Variants in RHCE observed in about 807,000 individuals in gnomAD.
RHCE encodes blood group Rh(CE) polypeptide.
In RHCE, 22 loss-of-function variants were observed where a neutral mutation model predicts 43.8. The observed-to-expected ratio is 0.50, with a 90% CI of 0.36 to 0.72. The LOEUF (loss-of-function observed/expected upper bound fraction) is 0.72, where lower values mean the gene tolerates loss of function less well. Ranked by LOEUF, RHCE falls within the 30% of genes least tolerant of loss-of-function variation. RHCE has a pLI of 0.00. For synonymous variants in RHCE, 156 were observed against 210.7 expected (o/e 0.74, Z 2.25); for missense variants, 385 against 525.4 (o/e 0.73, Z 2.61).
upstream of RHCE, among the ~76,000 whole-genome samples, chr1:25,423,405 G>A (rs987134060): frequency 1.3e-5 from 2 of 152,170 alleles, no homozygotes; most frequent in Admixed American, 1.3e-4. Context: ...CCAACCCCTA[G>A]ACCTGACAGG....
intron 9 of RHCE, among the ~76,000 whole-genome samples, chr1:25,369,005 C>T (rs1325918448): frequency 2.6e-5 from 4 of 151,798 alleles, no homozygotes; most frequent in Non-Finnish European, 4.4e-5. Context: ...AAGTGATCCA[C>T]CCGCCTTGGC....
chr1:25,397,061 G>A (rs1646565295), intron 3 of RHCE, among the ~76,000 whole-genome samples: 2 of 129,768 alleles, frequency 1.5e-5, no homozygotes, highest in South Asian at 2.3e-4. Context: ...GCAGTGAGCC[G>A]AGATCACACC....
intron 7 of RHCE, among the ~76,000 whole-genome samples, chr1:25,382,096 C>T (rs1296573632): frequency 6.6e-6 from 1 of 151,182 alleles, no homozygotes; most frequent in East Asian, 1.9e-4. Context: ...CATGCCAGCT[C>T]AGATTTCTCT....
At chr1:25,413,629 G>A (rs953842884) in intron 1 of RHCE, among the ~76,000 whole-genome samples, 7 of 151,642 alleles carry the variant, frequency 4.6e-5, no homozygotes, top group South Asian at 2.1e-4. Flanking sequence ...GAGAGATAAG[G>A]CAATACTCAC....
intron 5 of RHCE, 97 bp downstream of exon 5, chr1:25,390,652 C>A (rs1646328251): frequency 1.4e-6 from 2 of 1,436,810 alleles, no homozygotes; most frequent in Non-Finnish European, 9.7e-7. Flanking sequence ...GGCATGCCCT[C>A]TCCCAACCCA....
At chr1:25,387,600 C>G (rs1436024277) in intron 6 of RHCE, among the ~76,000 whole-genome samples, 1 of 152,264 alleles carries the variant, frequency 6.6e-6, no homozygotes, top group East Asian at 1.9e-4. Flanking sequence ...GCCCTTCCTC[C>G]TTTCATTTCA....
chr1:25,371,735 A>T (rs1645617719), intron 8 of RHCE, among the ~76,000 whole-genome samples: 1 of 151,464 alleles, frequency 6.6e-6, no homozygotes, highest in Non-Finnish European at 1.5e-5. Context: ...AGCTTCCCGA[A>T]GCTGGCTGAA....
rs577918546 is a variant in RHCE, at chr1:25,395,716, C to T, written c.487-3575G>A. On this transcript the variant is annotated intron_variant, in intron 3 of 9. Transcript: ENST00000294413. ...AGTGTGTAAACCGGAATCCAGGAGT[C>T]CATGGTAATATAAACAAATACATAG... Among the ~76,000 whole-genome samples, 17 of 152,154 alleles carry T rather than the reference C, an allele frequency of 1.1e-4. No homozygotes were observed. In the South Asian group the frequency reaches 3.5e-3, roughly 32 times the overall value.
rs1239729684 is a variant in RHCE, at chr1:25,408,810, G to A, written c.208C>T (p.Arg70Trp). 7.8e-6 allele frequency: 10 copies of A among 1,283,024 alleles called. 3 individuals are homozygous for A. Among genetic ancestry groups the A allele is most frequent in the African/African-American group, 1.4e-5 (1 of 72,640 alleles). 79.5% of individuals were successfully genotyped at this position (1,283,024 alleles called of 1,614,324 possible). The change falls in exon 2 of 10, where the codon CGG (arginine) becomes TGG (tryptophan). Residue 70 changes from arginine (R) to tryptophan (W), a missense_variant. By Grantham distance (101) the Arg-to-Trp change is moderately radical. Coordinates refer to ENST00000294413, the MANE Select transcript of RHCE (RefSeq NM_020485.8). Reference sequence around the variant, plus strand: ...GCCACACTGCTCCAGCTGTGTCTCCGGAAATTTGAGGTGAGGAAGCCCAAG... The same window carrying A: ...GCCACACTGCTCCAGCTGTGTCTCCAGAAATTTGAGGTGAGGAAGCCCAAG... ...LGLGFLTSNF[R>W]RHSWSSVAFN...
intron 1 of RHCE, among the ~76,000 whole-genome samples, chr1:25,414,437 G>A (rs1157222000): frequency 2.0e-5 from 3 of 152,050 alleles, no homozygotes; most frequent in Non-Finnish European, 4.4e-5. Flanking sequence ...TGCAGCCTCA[G>A]GAGGCCGCCA....
At chr1:25,371,807 G>T (rs1557597862) in intron 8 of RHCE, among the ~76,000 whole-genome samples, 2 of 151,504 alleles carry the variant, frequency 1.3e-5, no homozygotes, top group South Asian at 2.1e-4. Context: ...GCTCCTGATA[G>T]ATTTATCTGT....
intron 9 of RHCE, among the ~76,000 whole-genome samples, chr1:25,369,604 T>C (rs1443841777): frequency 6.6e-6 from 1 of 151,458 alleles, no homozygotes; most frequent in Admixed American, 6.6e-5. Flanking sequence ...TGCTGAGCTG[T>C]TTGAACTTTA....
intron 4 of RHCE, 34 bp from the exon 5 acceptor site, chr1:25,390,949 C>T (rs370749075): frequency 1.5e-4 from 249 of 1,613,842 alleles, no homozygotes; most frequent in Admixed American, 2.8e-4. Context: ...GCCAGAATCA[C>T]ACTCCTGCTC....
intron 1 of RHCE, among the ~76,000 whole-genome samples, chr1:25,411,824 T>C (rs1305549680): frequency 6.6e-6 from 1 of 152,210 alleles, no homozygotes; most frequent in Non-Finnish European, 1.5e-5. Context: ...TTGTGTTCAG[T>C]TGGAGACTGC....
intron 1 of RHCE, among the ~76,000 whole-genome samples, chr1:25,411,691 T>TG (rs1203906997): frequency 2.0e-5 from 3 of 152,074 alleles, no homozygotes; most frequent in African/African-American, 7.2e-5. Context: ...TCCTTAGGAA[T>TG]GGGGGTGTGT....
chr1:25,427,281 T>G (rs2042811505), intron 2 of RHCE, among the ~76,000 whole-genome samples: 1 of 152,190 alleles, frequency 6.6e-6, no homozygotes, highest in Non-Finnish European at 1.5e-5. Context: ...TGGGCTCAGC[T>G]GAAGCCCAAG....
chr1:25,422,746 G>A (rs145204629), upstream of RHCE, among the ~76,000 whole-genome samples: 818 of 152,256 alleles, frequency 5.4e-3, 6 homozygotes, highest in African/African-American at 0.018. Context: ...CACCAGGGAC[G>A]GGTTTTGTAG....
intron 7 of RHCE, among the ~76,000 whole-genome samples, chr1:25,383,514 C>G (rs1156633805): frequency 6.6e-6 from 1 of 152,200 alleles, no homozygotes; most frequent in African/African-American, 2.4e-5. Flanking sequence ...TGACATAGGA[C>G]TTATTTTCCC....
At chr1:25,403,413 G>A (rs1178372639) in intron 2 of RHCE, among the ~76,000 whole-genome samples, 3 of 152,114 alleles carry the variant, frequency 2.0e-5, no homozygotes, top group Non-Finnish European at 2.9e-5. Context: ...ACCAAGACTG[G>A]CACAAAGAAC....
Sources: gnomAD v4.1 joint callset for allele counts (sites outside exome capture counted in the v4.1 genomes callset) on GRCh38, gnomAD v4.1.1 for gene constraint, MANE v1.5 for transcripts, NCBI Gene and HGNC (gene_info 2026-07-23, HGNC 2026-07-21) for gene names.